Variants in TAOK3 observed in about 807,000 individuals in gnomAD.
TAOK3 encodes TAO kinase 3, also known as serine/threonine-protein kinase TAO3.
A neutral mutation model predicts 120.4 loss-of-function variants in TAOK3; 40 were observed. That is an observed-to-expected ratio of 0.33 (90% CI 0.26 to 0.43). TAOK3 has a LOEUF of 0.43. TAOK3 is among the 20% of genes least tolerant of loss of function. TAOK3 has a pLI of 1.00. For synonymous variants in TAOK3, 355 were observed against 387.5 expected (o/e 0.92, Z 0.99); for missense variants, 821 against 1,112.1 (o/e 0.74, Z 3.72).
intron 2 of TAOK3, among the ~76,000 whole-genome samples, chr12:118,260,178 G>C (rs914223471): frequency 5.3e-5 from 8 of 151,988 alleles, no homozygotes; most frequent in African/African-American, 1.7e-4. Context: ...ACCCAGGCTG[G>C]AGTGCAAGGG....
Position 118,225,141 on chromosome 12 carries a change from G to A in TAOK3, c.643+8533C>T, listed in dbSNP as rs577811864. The stretch of plus-strand genomic sequence containing the variant: ...TGGGTGCCTGTAATCCCAGCTACTC[G>A]GGAGGCTGAGGCAGGAGAATCACTT... On this transcript the variant is annotated intron_variant, in intron 9 of 20. Coordinates refer to ENST00000392533, the MANE Select transcript of TAOK3 (RefSeq NM_016281.4). 2.5e-4 allele frequency among the ~76,000 whole-genome samples: 38 copies of A among 151,474 alleles called. No homozygotes were observed. In the East Asian group the frequency reaches 5.5e-3, roughly 22 times the overall value.
In TAOK3 at chr12:118,238,182, A is replaced by G; in HGVS notation, c.341-13T>C. On this transcript the variant is annotated splice_polypyrimidine_tract_variant and intron_variant, in intron 6 of 20. Coordinates refer to ENST00000392533, the MANE Select transcript of TAOK3 (RefSeq NM_016281.4). The stretch of plus-strand genomic sequence containing the variant: ...GGTTTTTTATGAACTGAGGAAGGAA[A>G]AAAAAAAAAGTCAGTAGATGATCAG... 2 of 1,546,924 alleles carry G rather than the reference A, an allele frequency of 1.3e-6. No individual in the cohort carries two copies. The highest frequency in any genetic ancestry group is 1.8e-6 in the Non-Finnish European group (2 of 1,127,376).
chr12:118,210,704 T>C (rs2038576378), intron 11 of TAOK3, among the ~76,000 whole-genome samples: 1 of 151,958 alleles, frequency 6.6e-6, no homozygotes, highest in African/African-American at 2.4e-5. Context: ...TAACATCAAC[T>C]GGCACTATAA....
chr12:118,217,283 C>T (rs901333228), intron 9 of TAOK3, among the ~76,000 whole-genome samples: 1 of 152,158 alleles, frequency 6.6e-6, no homozygotes, highest in African/African-American at 2.4e-5. Context: ...AAGTAGTAAA[C>T]TTTAAGTCAT....
In TAOK3 at chr12:118,296,338, T is replaced by G. The variant is rs2042679825; in HGVS notation, c.-193-29579A>C. 2.0e-5 allele frequency among the ~76,000 whole-genome samples: 3 copies of G among 152,266 alleles called. No homozygotes were observed. The South Asian group carries it at 6.2e-4, about 32-fold the overall frequency. On this transcript the variant is annotated intron_variant, in intron 1 of 20. Transcript: ENST00000392533. ...TCGTAGAGACAGGGTTTCACCATAT[T>G]AGGCAGGCTGGTCTCGAACTCCTGA...
At chr12:118,224,176 C>G (rs55965100) in intron 9 of TAOK3, among the ~76,000 whole-genome samples, 3,095 of 152,228 alleles carry the variant, frequency 0.02, 107 homozygotes, top group African/African-American at 0.071. Flanking sequence ...ATAGTGTTTA[C>G]GCTGAAATTT....
chr12:118,209,310 A>C (rs769359239), intron 11 of TAOK3, among the ~76,000 whole-genome samples: 1 of 152,250 alleles, frequency 6.6e-6, no homozygotes, highest in Non-Finnish European at 1.5e-5. Context: ...TTTTATATGC[A>C]TAAAATATCA....
At chr12:118,284,307 G>A (rs921616394) in intron 1 of TAOK3, among the ~76,000 whole-genome samples, 4 of 152,260 alleles carry the variant, frequency 2.6e-5, no homozygotes, top group Non-Finnish European at 4.4e-5. Flanking sequence ...AACAAAGAAC[G>A]ATAATCTTAT....
chr12:118,156,634 TC>T (rs929688630), intron 19 of TAOK3, among the ~76,000 whole-genome samples: 1 of 152,114 alleles, frequency 6.6e-6, no homozygotes, highest in African/African-American at 2.4e-5. Flanking sequence ...GCTCTCAGGC[TC>T]CCCGCAGCCA....
rs537271489 is a variant in TAOK3 at position 118,251,015 on chromosome 12, A to G, written c.120+4433T>C. Among the ~76,000 whole-genome samples, 6 of 152,344 alleles carry G rather than the reference A, an allele frequency of 3.9e-5. No homozygotes were observed. The East Asian group carries it at 1.2e-3, about 29-fold the overall frequency. On this transcript the variant is annotated intron_variant, in intron 3 of 20. Coordinates refer to ENST00000392533, the MANE Select transcript of TAOK3 (RefSeq NM_016281.4). ...GAGAGAAGATAGCTCAAGTAGAGATAGGGACCATGAAGGACCTTGTGGGCT... is the reference window on the plus strand; with the variant it reads ...GAGAGAAGATAGCTCAAGTAGAGATGGGGACCATGAAGGACCTTGTGGGCT...
chr12:118,193,788 G>A (rs1427094607), intron 13 of TAOK3, among the ~76,000 whole-genome samples: 13 of 152,068 alleles, frequency 8.5e-5, no homozygotes, highest in Non-Finnish European at 1.9e-4. Flanking sequence ...CTTTAACCCA[G>A]GAATCACTCC....
At chr12:118,256,854 C>G (rs997536018) in intron 2 of TAOK3, among the ~76,000 whole-genome samples, 3 of 152,038 alleles carry the variant, frequency 2.0e-5, no homozygotes, top group African/African-American at 7.2e-5. Flanking sequence ...ATAACTGTGA[C>G]TATACCAAAA....
At chr12:118,151,264 G>C in intron 20 of TAOK3, 106 bp from the exon 21 acceptor site, 1 of 1,092,562 alleles carries the variant, frequency 9.2e-7, no homozygotes, top group Non-Finnish European at 1.3e-6. Context: ...ACACACATAG[G>C]CACACACATG....
chr12:118,217,500 A>G (rs1295781458), intron 9 of TAOK3, among the ~76,000 whole-genome samples: 1 of 151,926 alleles, frequency 6.6e-6, no homozygotes, highest in African/African-American at 2.4e-5. Flanking sequence ...AGCCTGGCCA[A>G]CATGGTAAAA....
At chr12:118,210,657 C>G (rs192725806) in intron 11 of TAOK3, among the ~76,000 whole-genome samples, 1 of 152,148 alleles carries the variant, frequency 6.6e-6, no homozygotes, top group Non-Finnish European at 1.5e-5. Context: ...ACCTGTCAAT[C>G]TTGATGCTTG....
At chr12:118,262,112 C>T (rs1273525327) in intron 2 of TAOK3, among the ~76,000 whole-genome samples, 1 of 152,074 alleles carries the variant, frequency 6.6e-6, no homozygotes, top group East Asian at 1.9e-4. Context: ...CCACACACCT[C>T]GGCCTCCCAA....
chr12:118,366,597 CT>C (rs1265095469), intron 1 of TAOK3, among the ~76,000 whole-genome samples: 1 of 152,136 alleles, frequency 6.6e-6, no homozygotes, highest in African/African-American at 2.4e-5. Flanking sequence ...TCAATAAGTA[CT>C]TTGATAACTG....
chr12:118,244,383 T>C (rs1275427272), intron 4 of TAOK3, among the ~76,000 whole-genome samples: 1 of 152,016 alleles, frequency 6.6e-6, no homozygotes, highest in Non-Finnish European at 1.5e-5. Flanking sequence ...TTAATTGAGC[T>C]AGAACATTAG....
At position 118,198,560 on chromosome 12, in the gene TAOK3, T is replaced by G. The variant is rs112803151; in HGVS notation, c.1194+491A>C. 1,553 of 168,240 alleles carry G rather than the reference T, an allele frequency of 9.2e-3. 27 individuals carry two copies. Among genetic ancestry groups the G allele is most frequent in the African/African-American group, 0.036 (1,498 of 41,732 alleles). 10.4% of individuals were successfully genotyped at this position (168,240 alleles called of 1,614,324 possible). A position where few individuals can be genotyped will look rare whatever the true frequency, so the allele number is the denominator to read the frequency against. On this transcript the variant is annotated intron_variant, in intron 13 of 20. Transcript: ENST00000392533. ...TGTCACCAGGCCCGGCTATTTTTTG[T>G]ATTTTTAGTAAAGACGGGGTTTCGC...
Sources: gnomAD v4.1 joint callset for allele counts (sites outside exome capture counted in the v4.1 genomes callset) on GRCh38, gnomAD v4.1.1 for gene constraint, MANE v1.5 for transcripts, NCBI Gene and HGNC (gene_info 2026-07-23, HGNC 2026-07-21) for gene names.